RGS6: variants seen among roughly 807,000 people sequenced by gnomAD.
The protein encoded by RGS6 is regulator of G-protein signaling 6.
In RGS6, 30 loss-of-function variants were observed where a neutral mutation model predicts 78.5. The ratio of observed to expected loss-of-function variants is 0.38; its 90% confidence interval spans 0.29 to 0.52. The LOEUF (loss-of-function observed/expected upper bound fraction) is 0.52. Ranked by LOEUF, RGS6 falls within the 20% of genes least tolerant of loss-of-function variation. RGS6 has a pLI of 0.85. For missense variants in RGS6, 495 were observed against 609.7 expected, an observed-to-expected ratio of 0.81 and a Z score of 1.98; for synonymous variants, 206 against 206.0, an observed-to-expected ratio of 1.00 and a Z score of 0.00.
chr14:72,304,677 G>A (rs1251859009), intron 2 of RGS6, among the ~76,000 whole-genome samples: 5 of 152,008 alleles, frequency 3.3e-5, no homozygotes, highest in East Asian at 1.9e-4. Flanking sequence ...TCAGGAGTTC[G>A]AGACCAGCCT....
At chr14:72,317,676 G>A (rs934010056) in intron 2 of RGS6, among the ~76,000 whole-genome samples, 4 of 152,104 alleles carry the variant, frequency 2.6e-5, no homozygotes, top group East Asian at 3.8e-4. Context: ...AAAGAAAACC[G>A]AGTCTGTTAT....
intron 2 of RGS6, among the ~76,000 whole-genome samples, chr14:72,120,591 G>A (rs552311456): frequency 8.5e-5 from 13 of 152,298 alleles, no homozygotes; most frequent in East Asian, 3.9e-4. Context: ...ACAGGAGAAC[G>A]GATAAACTGC....
intron 2 of RGS6, among the ~76,000 whole-genome samples, chr14:72,097,589 G>A (rs2095435134): frequency 6.6e-6 from 1 of 152,162 alleles, no homozygotes; most frequent in South Asian, 2.1e-4. Context: ...GAGGAGAAGG[G>A]GGCGGGTGTC....
At chr14:72,137,794 C>T (rs2096468888) in intron 2 of RGS6, among the ~76,000 whole-genome samples, 1 of 152,166 alleles carries the variant, frequency 6.6e-6, no homozygotes, top group Non-Finnish European at 1.5e-5. Flanking sequence ...TGTTCACAAA[C>T]TGAGAAGCTC....
At chr14:72,395,708 G>T (rs2091078082) in intron 3 of RGS6, among the ~76,000 whole-genome samples, 2 of 151,780 alleles carry the variant, frequency 1.3e-5, no homozygotes, top group African/African-American at 4.8e-5. Flanking sequence ...ACAGGCCCCG[G>T]TGTGTGATGT....
At chr14:72,261,627 T>C (rs1284567737) in intron 2 of RGS6, among the ~76,000 whole-genome samples, 1 of 152,146 alleles carries the variant, frequency 6.6e-6, no homozygotes, top group African/African-American at 2.4e-5. Context: ...CACCATTCAA[T>C]GAACCAGTTA....
Position 72,019,175 on chromosome 14 carries a change from C to T in RGS6, c.84+54300C>T, listed in dbSNP as rs148357388. ...GAGAAGTTAAGAAACTGGCCCAATC[C>T]CATGTCAGGGCAGAGCCAGGCCAAA... On this transcript the variant is annotated intron_variant, in intron 2 of 17. Transcript: ENST00000553525. Among the ~76,000 whole-genome samples the T allele has an allele frequency of 5.7e-4, 87 of 152,244 alleles. 1 individual carries two copies. Among genetic ancestry groups the T allele is most frequent in the Middle Eastern group, 3.4e-3 (1 of 294 alleles).
chr14:72,063,114 C>T (rs961610373), intron 2 of RGS6, among the ~76,000 whole-genome samples: 30 of 152,124 alleles, frequency 2.0e-4, no homozygotes, highest in Admixed American at 2.0e-4. Context: ...TGCGCCACCA[C>T]GCCTGGCCTG....
chr14:72,183,767 G>A (rs968778672), intron 2 of RGS6, among the ~76,000 whole-genome samples: 4 of 152,146 alleles, frequency 2.6e-5, no homozygotes, highest in Non-Finnish European at 5.9e-5. Context: ...CTTAAATTAG[G>A]TGCAAGGAAT....
intron 2 of RGS6, among the ~76,000 whole-genome samples, chr14:72,162,791 C>T (rs1567349800): frequency 6.6e-6 from 1 of 151,936 alleles, no homozygotes; most frequent in Non-Finnish European, 1.5e-5. Context: ...GTGAGATACA[C>T]ATATATATAT....
the RGS6 span, among the ~76,000 whole-genome samples, chr14:72,620,831 G>A: frequency 6.6e-6 from 1 of 152,240 alleles, no homozygotes; most frequent in African/African-American, 2.4e-5. Flanking sequence ...CTGGCATGTG[G>A]TAGACATCTA....
At chr14:71,949,404 T>C (rs1029161427) in intron 1 of RGS6, among the ~76,000 whole-genome samples, 3 of 152,190 alleles carry the variant, frequency 2.0e-5, no homozygotes, top group Non-Finnish European at 2.9e-5. Flanking sequence ...TCAATTTGCA[T>C]TTTTCTGGTG....
chr14:72,019,901 C>T (rs979869810), intron 2 of RGS6, among the ~76,000 whole-genome samples: 3 of 152,156 alleles, frequency 2.0e-5, no homozygotes, highest in Admixed American at 6.5e-5. Context: ...AATATTAGCT[C>T]GGCCCTTGTG....
chr14:72,282,745 GC>G (rs2061792630), intron 2 of RGS6, among the ~76,000 whole-genome samples: 1 of 152,118 alleles, frequency 6.6e-6, no homozygotes, highest in African/African-American at 2.4e-5. Context: ...GTTTCCTTGT[GC>G]CCCCTTGTTG....
intron 2 of RGS6, among the ~76,000 whole-genome samples, chr14:72,018,399 T>C (rs1433019283): frequency 6.6e-6 from 1 of 152,206 alleles, no homozygotes; most frequent in African/African-American, 2.4e-5. Flanking sequence ...ATTTTTTCTG[T>C]AGGAATTGTC....
chr14:72,174,071 G>C (rs2097068452), intron 2 of RGS6, among the ~76,000 whole-genome samples: 1 of 152,118 alleles, frequency 6.6e-6, no homozygotes, highest in South Asian at 2.1e-4. Flanking sequence ...TCAGCCCCTT[G>C]TGCTCCTGCA....
chr14:71,938,617 C>T (rs906584654), intron 1 of RGS6, among the ~76,000 whole-genome samples: 6 of 152,136 alleles, frequency 3.9e-5, no homozygotes, highest in African/African-American at 7.2e-5. Flanking sequence ...AGACCATGGG[C>T]ACTTGAGCCA....
intron 15 of RGS6, among the ~76,000 whole-genome samples, chr14:72,534,486 A>G (rs1191003829): frequency 2.0e-5 from 3 of 152,158 alleles, no homozygotes; most frequent in African/African-American, 7.2e-5. Context: ...ACTTAACCTA[A>G]TGTTCTCCAG....
intron 2 of RGS6, among the ~76,000 whole-genome samples, chr14:72,106,728 T>A (rs949028068): frequency 6.6e-6 from 1 of 152,308 alleles, no homozygotes; most frequent in African/African-American, 2.4e-5. Context: ...CCCCTCCTTT[T>A]CCATACAGTG....
Sources: allele counts gnomAD v4.1 joint callset (sites outside exome capture counted in the v4.1 genomes callset), GRCh38; gene constraint gnomAD v4.1.1; transcripts MANE v1.5; gene names NCBI Gene and HGNC (gene_info 2026-07-23, HGNC 2026-07-21).